TMEM131: variants seen among roughly 807,000 people sequenced by gnomAD.
TMEM131 encodes transmembrane protein 131.
A neutral mutation model predicts 211.6 loss-of-function variants in TMEM131; 66 were observed. That is an observed-to-expected ratio of 0.31 (90% CI 0.26 to 0.38). The LOEUF is 0.38. TMEM131 is among the 10% of genes least tolerant of loss of function. TMEM131 has a pLI of 1.00. For synonymous variants in TMEM131, 844 were observed against 841.3 expected (o/e 1.00, Z -0.06); for missense variants, 2,036 against 2,299.3 (o/e 0.89, Z 2.34).
intron 1 of TMEM131, among the ~76,000 whole-genome samples, chr2:97,969,186 C>T (rs1679188971): frequency 6.6e-6 from 1 of 152,088 alleles, no homozygotes; most frequent in Non-Finnish European, 1.5e-5. Flanking sequence ...ATTATGACCA[C>T]TAGACATGTA....
At position 97,801,897 on chromosome 2, in the gene TMEM131, T is replaced by G. The variant is rs780774901; in HGVS notation, c.2716A>C (p.Ser906Arg). Residue 906 changes from serine (S) to arginine (R), a missense_variant and splice_region_variant, in exon 25 of 41, where the codon AGT (serine) becomes CGT (arginine). Ser to Arg is a moderately radical substitution (Grantham distance 110). Transcript: ENST00000186436. ...TAGTATGAAGTTTGAATACTTACAC[T>G]GTTTCTGAAGACTTGAAATTCTAGT... ...RTLEFQVFRN[S>R]AHPLQSSTGF... 3.0e-5 allele frequency: 48 copies of G among 1,603,114 alleles called. No homozygotes were observed. The highest frequency in any genetic ancestry group is 4.0e-5 in the Non-Finnish European group (47 of 1,173,286).
chr2:97,779,627 G>C (rs1679902237), intron 31 of TMEM131, among the ~76,000 whole-genome samples: 2 of 152,156 alleles, frequency 1.3e-5, no homozygotes, highest in South Asian at 4.1e-4. Context: ...AAATTCTATG[G>C]CCCCATTCCA....
intron 4 of TMEM131, among the ~76,000 whole-genome samples, chr2:97,886,313 C>T (rs148895903): frequency 4.1e-4 from 63 of 152,168 alleles, no homozygotes; most frequent in African/African-American, 1.3e-3. Flanking sequence ...CCTTTGGAGG[C>T]GTCATGTTTC....
chr2:97,815,154 C>T, intron 13 of TMEM131, 45 bp downstream of exon 13: 3 of 1,073,712 alleles, frequency 2.8e-6, no homozygotes, highest in Non-Finnish European at 3.9e-6. Context: ...ATATAATTTA[C>T]TGATTAGTAA....
chr2:97,967,893 G>GTT (rs376573578), intron 1 of TMEM131, among the ~76,000 whole-genome samples: 3 of 142,818 alleles, frequency 2.1e-5, no homozygotes, highest in African/African-American at 7.7e-5. Flanking sequence ...TTTTTAGGTT[G>GTT]TTTTTTTTTT....
intron 35 of TMEM131, 137 bp downstream of exon 35, chr2:97,765,977 G>GTT: frequency 1.8e-6 from 2 of 1,110,778 alleles, no homozygotes; most frequent in Non-Finnish European, 2.5e-6. Flanking sequence ...GATTAGGCTA[G>GTT]TTAACAATGG....
rs1681584647 is a variant in TMEM131 at position 97,812,340 on chromosome 2, T to A, written c.1863+81A>T. On this transcript the variant is annotated intron_variant, in intron 17 of 40. Transcript: ENST00000186436. ...ATGAACTGCATAAAAATAATAGTGA[T>A]ACATGTAGCATAGCAATGATCTTCC... 3.5e-6 allele frequency: 5 copies of A among 1,435,752 alleles called. No individual in the cohort carries two copies. In the South Asian group the frequency reaches 6.9e-5, roughly 20 times the overall value. 88.9% of individuals were successfully genotyped at this position (1,435,752 alleles called of 1,614,324 possible).
intron 1 of TMEM131, among the ~76,000 whole-genome samples, chr2:97,931,153 A>C (rs1486112561): frequency 6.6e-6 from 1 of 151,864 alleles, no homozygotes; most frequent in Non-Finnish European, 1.5e-5. Flanking sequence ...TCTGACAATA[A>C]GTGAGGAAAG....
intron 3 of TMEM131, among the ~76,000 whole-genome samples, chr2:97,895,235 T>C (rs142500249): frequency 6.6e-6 from 1 of 152,344 alleles, no homozygotes; most frequent in East Asian, 1.9e-4. Context: ...TTGATCGTGG[T>C]AGATAAGCCT....
intron 31 of TMEM131, among the ~76,000 whole-genome samples, chr2:97,781,254 G>A (rs1238290585): frequency 6.6e-6 from 1 of 152,222 alleles, no homozygotes; most frequent in Non-Finnish European, 1.5e-5. Context: ...CGTGGCAAGT[G>A]CTCAGCAGCA....
chr2:97,794,847 G>C (rs1391249874), intron 29 of TMEM131, 83 bp downstream of exon 29: 2 of 1,201,996 alleles, frequency 1.7e-6, no homozygotes, highest in Admixed American at 2.4e-5. Context: ...CTAGCACTCA[G>C]AACAGTGGCT....
chr2:97,925,885 C>T (rs560828395), intron 2 of TMEM131, among the ~76,000 whole-genome samples: 7 of 151,850 alleles, frequency 4.6e-5, no homozygotes, highest in Middle Eastern at 3.4e-3. Context: ...CCGAGGCGGG[C>T]GGATCATGAG....
At chr2:97,854,043 C>T (rs573156171) in intron 5 of TMEM131, among the ~76,000 whole-genome samples, 19 of 152,250 alleles carry the variant, frequency 1.2e-4, no homozygotes, top group South Asian at 4.1e-4. Flanking sequence ...CAGCATTGCA[C>T]GCTACAGAGA....
intron 11 of TMEM131, among the ~76,000 whole-genome samples, chr2:97,830,130 G>GT (rs1255275353): frequency 2.8e-4 from 10 of 35,218 alleles, no homozygotes; most frequent in Admixed American, 5.6e-4. Flanking sequence ...CTCATTATCA[G>GT]TTAAAAAAAA....
At chr2:97,946,319 A>G (rs1678037952) in intron 1 of TMEM131, among the ~76,000 whole-genome samples, 1 of 152,040 alleles carries the variant, frequency 6.6e-6, no homozygotes, top group South Asian at 2.1e-4. Flanking sequence ...CGAAGGAAAC[A>G]AAAGTTTTCT....
rs766634884 is a variant in TMEM131, at chr2:97,792,420, T to C, written c.4110A>G (p.Thr1370=). Residue 1370 remains threonine, a synonymous_variant, in exon 31 of 41, where the codon ACA becomes ACG. Coordinates refer to ENST00000186436, the MANE Select transcript of TMEM131 (RefSeq NM_015348.2). ...TTGGCAATGGCGATGGAGGCTGCTC[T>C]GTAAACACTTCTAGGGCTGGGGAGT... ...HHDSPALEVF[T]EQPPSPLPKS... The C allele has an allele frequency of 1.9e-6, 3 of 1,605,264 alleles. No homozygotes were observed. In the East Asian group the frequency reaches 6.7e-5, roughly 36 times the overall value.
In TMEM131 at chr2:97,835,040, T is replaced by TA. The variant is rs535753443; in HGVS notation, c.805-116dup. ...GATGAGTATTCTATATACCTATTAA[T>TA]AAAAAAAATGCATTGCTAATTAAAC... On this transcript the variant is annotated intron_variant, in intron 8 of 40. Transcript: ENST00000186436. 2.5e-4 allele frequency: 260 copies of TA among 1,058,090 alleles called. No homozygotes were observed. The African/African-American group carries it at 3.4e-3, about 14-fold the overall frequency. 65.5% of individuals were successfully genotyped at this position (1,058,090 alleles called of 1,614,324 possible).
At chr2:97,832,710 A>G (rs1041498644) in intron 11 of TMEM131, among the ~76,000 whole-genome samples, 7 of 152,248 alleles carry the variant, frequency 4.6e-5, no homozygotes, top group Non-Finnish European at 1.0e-4. Context: ...ACACATGTAT[A>G]TATCTTGGGG....
intron 2 of TMEM131, among the ~76,000 whole-genome samples, chr2:97,923,758 G>A (rs1282346901): frequency 6.6e-6 from 1 of 151,050 alleles, no homozygotes; most frequent in Admixed American, 6.6e-5. Context: ...AAAAAATACA[G>A]AGCTAGCTTT....
Sources: gnomAD v4.1 joint callset for allele counts (sites outside exome capture counted in the v4.1 genomes callset) on GRCh38, gnomAD v4.1.1 for gene constraint, MANE v1.5 for transcripts, NCBI Gene and HGNC (gene_info 2026-07-23, HGNC 2026-07-21) for gene names.